Variants in HDAC4 observed in about 807,000 individuals in gnomAD.
HDAC4 encodes the protein histone deacetylase A.
Under a neutral mutation model 135.1 loss-of-function variants are expected in HDAC4, and 16 were observed. The observed-to-expected ratio is 0.12, with a 90% confidence interval of 0.08 to 0.18. The LOEUF (loss-of-function observed/expected upper bound fraction) is 0.18. Among genes scored for constraint, HDAC4 ranks in the 10% least tolerant of loss-of-function variants. The pLI, the probability that HDAC4 is intolerant of heterozygous loss-of-function variation, is 1.00. For missense variants in HDAC4, 1,143 were observed against 1,511.8 expected, an observed-to-expected ratio of 0.76 and a Z score of 4.05; for synonymous variants, 685 against 653.4, an observed-to-expected ratio of 1.05 and a Z score of -0.74.
In HDAC4 at chr2:239,352,402, A is replaced by T. The variant is rs531396301; in HGVS notation, c.22+276T>A. 1.3e-5 allele frequency among the ~76,000 whole-genome samples: 2 copies of T among 152,182 alleles called. No individual in the cohort carries two copies. Among genetic ancestry groups the T allele is most frequent in the African/African-American group, 4.8e-5 (2 of 41,444 alleles). On this transcript the variant is annotated intron_variant, in intron 2 of 26. Coordinates refer to ENST00000543185, the MANE Select transcript of HDAC4 (RefSeq NM_001378414.1). The surrounding 1 kb of genome is among the most constrained non-coding windows in gnomAD (Gnocchi z 4.4). ...CTGACCTTTCAACATCACCCTTGTC[A>T]AAAAGCATCGAGGAAACCTGTGTGC...
chr2:239,239,708 C>T (rs2048068928), intron 2 of HDAC4, among the ~76,000 whole-genome samples: 1 of 152,192 alleles, frequency 6.6e-6, no homozygotes, highest in Non-Finnish European at 1.5e-5. Flanking sequence ...TCATAACAAC[C>T]TGTACATTCA....
At chr2:239,261,461 G>A (rs1052215470) in intron 2 of HDAC4, among the ~76,000 whole-genome samples, 2 of 152,154 alleles carry the variant, frequency 1.3e-5, no homozygotes, top group Admixed American at 6.5e-5. Context: ...TGGGAGGTGG[G>A]CAGGCCCTGG....
intron 15 of HDAC4, among the ~76,000 whole-genome samples, chr2:239,104,842 A>T (rs1178614952): frequency 1.3e-5 from 2 of 152,284 alleles, no homozygotes; most frequent in Non-Finnish European, 2.9e-5. Flanking sequence ...ATTAAAGTTG[A>T]TGTTAGAATA....
rs781237989 is a variant in HDAC4, at chr2:239,190,036, C to A, written c.136G>T (p.Ala46Ser). The change falls in exon 4 of 27, where the codon GCA becomes TCA. Residue 46 changes from alanine (A) to serine (S), a missense_variant. Physicochemically the swap from Ala to Ser is moderately conservative, Grantham distance 99. Transcript: ENST00000543185. ...TCCAGGCGCAGGTCCATGGGCACTG[C>A]CGAGGGGGCCACTTGCAGAGGCAGC... Reference protein sequence around the residue: ...TALPLQVAPSAVPMDLRLDHQ... With the variant: ...TALPLQVAPSSVPMDLRLDHQ... 2 of 1,603,562 alleles carry A rather than the reference C, an allele frequency of 1.2e-6. No individual in the cohort carries two copies. Among genetic ancestry groups the A allele is most frequent in the Non-Finnish European group, 8.5e-7 (1 of 1,179,492 alleles).
intron 2 of HDAC4, among the ~76,000 whole-genome samples, chr2:239,237,458 C>T (rs955853161): frequency 2.0e-5 from 3 of 151,948 alleles, no homozygotes; most frequent in African/African-American, 4.8e-5. Flanking sequence ...CAGACTTGCA[C>T]GCGGAGGTCA....
rs1396719875 is a variant in HDAC4 at position 239,084,342 on chromosome 2, G to C, written c.2445-100C>G. 3 of 799,108 alleles carry C rather than the reference G, an allele frequency of 3.8e-6. No individual in the cohort carries two copies. The African/African-American group carries it at 5.1e-5, about 14-fold the overall frequency. The allele number at this position is 799,108 out of a possible 1,614,324, so 49.5% of individuals were successfully genotyped here. On this transcript the variant is annotated intron_variant, in intron 19 of 26. Coordinates refer to ENST00000543185, the MANE Select transcript of HDAC4 (RefSeq NM_001378414.1). ...CCACTCGGGGTCCACGCAGACCTAA[G>C]AGGTCTCTGTGAGTGCAGAGCTCCT...
chr2:239,131,400 T>C (rs370034301), intron 11 of HDAC4, among the ~76,000 whole-genome samples: 4 of 152,230 alleles, frequency 2.6e-5, no homozygotes, highest in South Asian at 2.1e-4. Context: ...CAGGCACTGC[T>C]GTCCAGGAGA....
intron 1 of HDAC4, among the ~76,000 whole-genome samples, chr2:239,379,862 G>C (rs1162403021): frequency 6.6e-6 from 1 of 152,224 alleles, no homozygotes; most frequent in African/African-American, 2.4e-5. Context: ...AGAACACCAA[G>C]CCAGGCTCAG....
At chr2:239,092,207 C>CATGTG (rs1345953954) in intron 17 of HDAC4, among the ~76,000 whole-genome samples, 1 of 151,384 alleles carries the variant, frequency 6.6e-6, no homozygotes, top group Non-Finnish European at 1.5e-5. Flanking sequence ...CCGCTGCACT[C>CATGTG]CAGTCTGGGT....
intron 6 of HDAC4, among the ~76,000 whole-genome samples, chr2:239,161,468 T>G (rs1200298713): frequency 6.6e-6 from 1 of 152,164 alleles, no homozygotes; most frequent in Non-Finnish European, 1.5e-5. Context: ...TCATGCGTGG[T>G]GTGAAGCTGG....
At position 239,285,130 on chromosome 2, in the gene HDAC4, G is replaced by GGTTCAAA. The variant is rs1408946404; in HGVS notation, c.23-48473_23-48467dup. Among the ~76,000 whole-genome samples, 1 of 152,172 alleles carries GGTTCAAA rather than the reference G, an allele frequency of 6.6e-6. No homozygotes were observed. Among genetic ancestry groups the GGTTCAAA allele is most frequent in the African/African-American group, 2.4e-5 (1 of 41,446 alleles). On this transcript the variant is annotated intron_variant, in intron 2 of 26. Coordinates refer to ENST00000543185, the MANE Select transcript of HDAC4 (RefSeq NM_001378414.1). This position sits in a 1 kb window ranked among gnomAD's most constrained non-coding sequence, Gnocchi z 4.5. ...ACCTTCATGGCAACCTGGAAGGCCA[G>GGTTCAAA]GTTCAAAGTTCAAAGTTCAAAGACT...
At chr2:239,109,244 T>C (rs1429563860) in intron 14 of HDAC4, among the ~76,000 whole-genome samples, 1 of 152,224 alleles carries the variant, frequency 6.6e-6, no homozygotes, top group Non-Finnish European at 1.5e-5. Context: ...GGCAGGTCAC[T>C]GGCCAGGGGC....
chr2:239,252,084 G>A (rs1011118330), intron 2 of HDAC4, among the ~76,000 whole-genome samples: 5 of 152,236 alleles, frequency 3.3e-5, no homozygotes, highest in Admixed American at 1.3e-4. Context: ...CTACGCTAAT[G>A]TCACTGGCAG....
chr2:239,373,159 T>C (rs563065413), intron 1 of HDAC4, among the ~76,000 whole-genome samples: 2 of 152,216 alleles, frequency 1.3e-5, no homozygotes, highest in East Asian at 3.9e-4. Flanking sequence ...CATCAGGACA[T>C]GTGAGCAGAA....
chr2:239,072,505 C>T (rs1234360151), intron 22 of HDAC4, among the ~76,000 whole-genome samples: 2 of 152,152 alleles, frequency 1.3e-5, no homozygotes, highest in Admixed American at 6.5e-5. Context: ...ACTTCTGTGT[C>T]CCCACGGCCT....
rs894167279 is a variant in HDAC4, at chr2:239,299,231, T to C, written c.22+53447A>G. Among the ~76,000 whole-genome samples the C allele has an allele frequency of 7.9e-5, 12 of 152,172 alleles. No homozygotes were observed. The highest frequency in any genetic ancestry group is 8.8e-5 in the Non-Finnish European group (6 of 68,044). On this transcript the variant is annotated intron_variant, in intron 2 of 26. Transcript: ENST00000543185. This position sits in a 1 kb window ranked among gnomAD's most constrained non-coding sequence, Gnocchi z 4.0. Reference sequence around the variant, plus strand: ...TGGGGGCAGCCTGCCACCATGAATATCCTCTCAATGTCAACACATCCACTG... The same window carrying C: ...TGGGGGCAGCCTGCCACCATGAATACCCTCTCAATGTCAACACATCCACTG...
chr2:239,282,379 CCA>C (rs1328861607), intron 2 of HDAC4, among the ~76,000 whole-genome samples: 1 of 150,850 alleles, frequency 6.6e-6, no homozygotes, highest in Non-Finnish European at 1.5e-5. Flanking sequence ...AATGCACACA[CCA>C]CTCTCCACAC....
Position 239,346,210 on chromosome 2 carries a change from TAAC to T in HDAC4, c.22+6465_22+6467del, listed in dbSNP as rs1012538588. Among the ~76,000 whole-genome samples the T allele has an allele frequency of 4.4e-4, 66 of 149,774 alleles. 1 individual carries two copies. Among genetic ancestry groups the T allele is most frequent in the African/African-American group, 1.6e-3 (65 of 40,666 alleles). On this transcript the variant is annotated intron_variant, in intron 2 of 26. Transcript: ENST00000543185. ...CTGTCTAAAACACACATACATACCT[TAAC>T]ACACACATATCCTGTCTAAAACACA...
intron 14 of HDAC4, 123 bp downstream of exon 14, chr2:239,111,403 G>A (rs1053070546): frequency 2.2e-5 from 20 of 920,924 alleles, no homozygotes; most frequent in South Asian, 6.0e-5. Flanking sequence ...ACCATCCAGC[G>A]TGGCCCTCGT....
Sources: allele counts gnomAD v4.1 joint callset (sites outside exome capture counted in the v4.1 genomes callset), GRCh38; gene constraint gnomAD v4.1.1; non-coding constraint Gnocchi (gnomAD v3.1); transcripts MANE v1.5; gene names NCBI Gene and HGNC (gene_info 2026-07-23, HGNC 2026-07-21).